The following VCAM1 variants were observed in gnomAD, a reference collection of about 807,000 sequenced individuals.
The protein encoded by VCAM1 is vascular cell adhesion molecule 1.
VCAM1 carries 41 observed loss-of-function variants against 63.8 expected under a neutral mutation model. The observed-to-expected ratio is 0.64, with a 90% CI of 0.50 to 0.83. VCAM1 has a LOEUF of 0.83. Among genes scored for constraint, VCAM1 ranks in the 40% least tolerant of loss-of-function variants. The probability of loss-of-function intolerance (pLI) is 0.00; values close to 1 mark genes in which losing one functional copy is unlikely to be tolerated. For synonymous variants in VCAM1, 338 were observed against 320.7 expected (o/e 1.05, Z -0.58); for missense variants, 798 against 875.5 (o/e 0.91, Z 1.12).
Position 100,731,254 on chromosome 1 carries a change from G to C in VCAM1, c.1261G>C (p.Val421Leu). Residue 421 changes from valine (V) to leucine (L), a missense_variant, in exon 6 of 9, where the codon GTC becomes CTC. By Grantham distance (32) the Val-to-Leu change is conservative. Transcript: ENST00000294728. The surrounding 1 kb of genome is among the most constrained non-coding windows in gnomAD (Gnocchi z 4.2). ...MSGGLVNGSSVTVSCKVPSVY... is the reference protein window; with the variant it reads ...MSGGLVNGSSLTVSCKVPSVY... ...TGGTGGCCTCGTGAATGGGAGCTCT[G>C]TCACTGTAAGCTGCAAGGTTCCTAG... is the stretch of plus-strand genomic sequence containing the variant. 6.2e-7 allele frequency: 1 copy of C among 1,613,612 alleles called. No individual in the cohort carries two copies. The highest frequency in any genetic ancestry group is 8.5e-7 in the Non-Finnish European group (1 of 1,179,708).
chr1:100,732,746 T>G, intron 7 of VCAM1, 62 bp downstream of exon 7: 2 of 1,480,128 alleles, frequency 1.4e-6, no homozygotes. Context: ...TGTTACTGAT[T>G]ATGAGTAAAG....
chr1:100,719,830 C>G lies in VCAM1; in HGVS notation c.-31C>G. ...GGGACACAAATAAGGGTTTTGGAAC[C>G]ACTATTTTCTCATCACGACAGCAAC... On this transcript the variant is annotated 5_prime_UTR_variant, in exon 1 of 9. Coordinates refer to ENST00000294728, the MANE Select transcript of VCAM1 (RefSeq NM_001078.4). 1 of 1,607,374 alleles carries G rather than the reference C, an allele frequency of 6.2e-7. No homozygotes were observed.
chr1:100,724,417 T>C (rs1036269767), intron 3 of VCAM1, among the ~76,000 whole-genome samples: 1 of 152,054 alleles, frequency 6.6e-6, no homozygotes, highest in East Asian at 1.9e-4. Flanking sequence ...TACAACCATC[T>C]GAAAAATATG....
chr1:100,732,396 A>G, intron 6 of VCAM1, 22 bp from the exon 7 acceptor site: 1 of 1,524,558 alleles, frequency 6.6e-7, no homozygotes. Flanking sequence ...GGTCAAGCTA[A>G]CAAGCGTCTC....
chr1:100,725,136 C>T (rs1252563484), intron 4 of VCAM1, among the ~76,000 whole-genome samples: 1 of 151,718 alleles, frequency 6.6e-6, no homozygotes, highest in Non-Finnish European at 1.5e-5. Flanking sequence ...CTGCTTCATT[C>T]CCTCACTTTC....
chr1:100,722,876 C>A (rs1248405629), intron 2 of VCAM1, 144 bp from the exon 3 acceptor site: 15 of 923,514 alleles, frequency 1.6e-5, no homozygotes, highest in Admixed American at 1.2e-4. Flanking sequence ...CACCCCAAAT[C>A]ATGAAAGGCT....
At chr1:100,730,604 A>G (rs908153070) in intron 5 of VCAM1, among the ~76,000 whole-genome samples, 1 of 152,138 alleles carries the variant, frequency 6.6e-6, no homozygotes, top group African/African-American at 2.4e-5. Context: ...GTCTTATTTG[A>G]TACTGAGAGA....
In VCAM1 at chr1:100,731,117, A is replaced by AG; in HGVS notation, c.1205-79dup. On this transcript the variant is annotated intron_variant, in intron 5 of 8. Transcript: ENST00000294728. The surrounding 1 kb of genome is among the most constrained non-coding windows in gnomAD (Gnocchi z 4.2). ...CAGGTGACTTAAAGCTGTCATTTTT[A>AG]GGCCTTTACATTTAATAAAGCTTAG... The AG allele has an allele frequency of 7.2e-7, 1 of 1,384,086 alleles. No individual in the cohort carries two copies. 85.7% of individuals were successfully genotyped at this position (1,384,086 alleles called of 1,614,324 possible). A position where few individuals can be genotyped will look rare whatever the true frequency, so the allele number is the denominator to read the frequency against.
rs773604592 is a variant in VCAM1 at position 100,724,788 on chromosome 1, C to G, written c.826C>G (p.Leu276Val). 30 of 1,612,980 alleles carry G rather than the reference C, an allele frequency of 1.9e-5. No homozygotes were observed. The highest frequency in any genetic ancestry group is 2.5e-5 in the Non-Finnish European group (29 of 1,179,448). ...ACAGCACCTTTCTGGAAATGCAACT[C>G]TCACCTTAATTGCTATGAGGATGGA... ...NLQHLSGNAT[L>V]TLIAMRMEDS... The change falls in exon 4 of 9, where the codon CTC becomes GTC. Residue 276 changes from leucine to valine, a missense_variant. Coordinates refer to ENST00000294728, the MANE Select transcript of VCAM1 (RefSeq NM_001078.4).
intron 2 of VCAM1, 140 bp from the exon 3 acceptor site, chr1:100,722,879 GA>G: frequency 1.1e-6 from 1 of 943,368 alleles, no homozygotes; most frequent in East Asian, 2.7e-5. Context: ...CCCAAATCAT[GA>G]AAGGCTATTC....
chr1:100,721,906 A>G (rs2100822872), intron 2 of VCAM1, among the ~76,000 whole-genome samples: 1 of 152,158 alleles, frequency 6.6e-6, no homozygotes, highest in South Asian at 2.1e-4. Context: ...GAAAAATACC[A>G]TGTTTCTTCA....
chr1:100,726,084 C>G (rs1660151887), intron 4 of VCAM1, among the ~76,000 whole-genome samples: 1 of 151,990 alleles, frequency 6.6e-6, no homozygotes, highest in Non-Finnish European at 1.5e-5. Flanking sequence ...CCTCTGGTAA[C>G]CACCATTCTA....
chr1:100,731,588 A>G lies in VCAM1; in HGVS notation c.1525+70A>G. 1 of 1,406,778 alleles carries G rather than the reference A, an allele frequency of 7.1e-7. No individual in the cohort carries two copies. Among genetic ancestry groups the G allele is most frequent in the Non-Finnish European group, 9.7e-7 (1 of 1,034,246 alleles). 87.1% of individuals were successfully genotyped at this position (1,406,778 alleles called of 1,614,324 possible). ...TATCGTGTTTGCCAGGCAATAGTTAACATAAGGTTAATCGTTAAAACCTCT... is the reference window on the plus strand; with the variant it reads ...TATCGTGTTTGCCAGGCAATAGTTAGCATAAGGTTAATCGTTAAAACCTCT... On this transcript the variant is annotated intron_variant, in intron 6 of 8. Coordinates refer to ENST00000294728, the MANE Select transcript of VCAM1 (RefSeq NM_001078.4). The surrounding 1 kb of genome is among the most constrained non-coding windows in gnomAD (Gnocchi z 4.2).
At chr1:100,737,740 C>T (rs1485618190) in intron 8 of VCAM1, 1 of 157,814 alleles carries the variant, frequency 6.3e-6, no homozygotes, top group Non-Finnish European at 1.4e-5. Context: ...TCATCAGAGT[C>T]CCAGTTCTTT....
Position 100,738,927 on chromosome 1 carries a change from G to A in VCAM1, c.*644G>A, listed in dbSNP as rs1206881177. ...GGTACGGAGATGTTTCACGAAGTTT[G>A]TTCATCAGACTCCTGTGCAACTTTC... On this transcript the variant is annotated 3_prime_UTR_variant, in exon 9 of 9. Coordinates refer to ENST00000294728, the MANE Select transcript of VCAM1 (RefSeq NM_001078.4). 3 of 152,162 alleles carry A rather than the reference G, an allele frequency of 2.0e-5. No individual in the cohort carries two copies. Among genetic ancestry groups the A allele is most frequent in the African/African-American group, 7.2e-5 (3 of 41,438 alleles). The allele number at this position is 152,162 out of a possible 1,614,324, so 9.4% of individuals were successfully genotyped here. A position where few individuals can be genotyped will look rare whatever the true frequency, so the allele number is the denominator to read the frequency against.
In VCAM1 at chr1:100,738,213, T is replaced by C. The variant is rs1396084606; in HGVS notation, c.2150T>C (p.Ile717Thr). ...SLIIPAIGMIIYFARKANMKG... is the reference protein window; with the variant it reads ...SLIIPAIGMITYFARKANMKG... ...ATAATACCTGCCATTGGAATGATAATTTACTTTGCAAGAAAAGCCAACATG... is the reference window on the plus strand; with the variant it reads ...ATAATACCTGCCATTGGAATGATAACTTACTTTGCAAGAAAAGCCAACATG... The change falls in exon 9 of 9, where the codon ATT becomes ACT. Residue 717 changes from isoleucine to threonine, a missense_variant. Ile to Thr is a moderately conservative substitution (Grantham distance 89). Coordinates refer to ENST00000294728, the MANE Select transcript of VCAM1 (RefSeq NM_001078.4). The C allele has an allele frequency of 1.9e-6, 3 of 1,613,780 alleles. No homozygotes were observed. The highest frequency in any genetic ancestry group is 4.5e-5 in the East Asian group (2 of 44,854).
chr1:100,721,220 A>T (rs1257328504), intron 2 of VCAM1, among the ~76,000 whole-genome samples: 2 of 152,140 alleles, frequency 1.3e-5, no homozygotes, highest in East Asian at 3.9e-4. Context: ...AATATGTATT[A>T]GTATAAAAGT....
intron 3 of VCAM1, 44 bp downstream of exon 3, chr1:100,723,384 C>T (rs780724828): frequency 2.0e-5 from 32 of 1,582,084 alleles, no homozygotes; most frequent in Non-Finnish European, 2.6e-5. Context: ...GGGAATCCCA[C>T]CTTGGTTGTG....
At chr1:100,734,384 T>G (rs977426925) in intron 7 of VCAM1, 118 bp from the exon 8 acceptor site, 28 of 1,153,726 alleles carry the variant, frequency 2.4e-5, no homozygotes, top group Non-Finnish European at 3.2e-5. Context: ...TTCTTAACAT[T>G]TAATGCAAAC....
Sources: gnomAD v4.1 joint callset for allele counts (sites outside exome capture counted in the v4.1 genomes callset) on GRCh38, gnomAD v4.1.1 for gene constraint, Gnocchi (gnomAD v3.1) non-coding constraint, MANE v1.5 for transcripts, NCBI Gene and HGNC (gene_info 2026-07-23, HGNC 2026-07-21) for gene names.